Variants in SLC1A1 observed in about 807,000 individuals in gnomAD.
The protein encoded by SLC1A1 is excitatory amino acid transporter 3.
A neutral mutation model predicts 53.3 loss-of-function variants in SLC1A1; 43 were observed. The ratio of observed to expected loss-of-function variants is 0.81; its 90% CI spans 0.63 to 1.04. SLC1A1 has a LOEUF of 1.04. Ranked by LOEUF, SLC1A1 falls within the 50% of genes least tolerant of loss-of-function variation. The probability of loss-of-function intolerance (pLI) is 0.00; values close to 1 mark genes in which losing one functional copy is unlikely to be tolerated. For missense variants in SLC1A1, 748 were observed against 664.9 expected (o/e 1.12, Z -1.37); for synonymous variants, 307 against 243.2 (o/e 1.26, Z -2.44).
intron 1 of SLC1A1, among the ~76,000 whole-genome samples, chr9:4,501,447 A>G (rs1416445230): frequency 6.6e-6 from 1 of 151,654 alleles, no homozygotes; most frequent in East Asian, 1.9e-4. Context: ...CTATTTGGGT[A>G]TAACACTTCC....
chr9:4,554,943 C>T (rs1255917625), intron 2 of SLC1A1, among the ~76,000 whole-genome samples: 7 of 152,220 alleles, frequency 4.6e-5, no homozygotes, highest in Non-Finnish European at 8.8e-5. Flanking sequence ...ACTAAGAACA[C>T]ACTGTGTTCT....
chr9:4,583,390 C>G lies in SLC1A1; in HGVS notation c.1328+218C>G, dbSNP rs1036505321. On this transcript the variant is annotated intron_variant, in intron 11 of 11. Coordinates refer to ENST00000262352, the MANE Select transcript of SLC1A1 (RefSeq NM_004170.6). The surrounding 1 kb of genome is among the most constrained non-coding windows in gnomAD (Gnocchi z 4.6). ...TTAAAAAGCCGGTGAGCTCCATTAG[C>G]TCATTATACCTGGTAACACTCAAGC... Among the ~76,000 whole-genome samples the G allele has an allele frequency of 6.6e-6, 1 of 152,186 alleles. No individual in the cohort carries two copies. The highest frequency in any genetic ancestry group is 2.4e-5 in the African/African-American group (1 of 41,434).
At chr9:4,502,522 T>C (rs987887545) in intron 1 of SLC1A1, among the ~76,000 whole-genome samples, 2 of 151,370 alleles carry the variant, frequency 1.3e-5, no homozygotes, top group African/African-American at 4.9e-5. Flanking sequence ...TTATTGAGAA[T>C]TTACCACGAG....
intron 2 of SLC1A1, among the ~76,000 whole-genome samples, chr9:4,550,583 G>A (rs1354169626): frequency 6.6e-6 from 1 of 152,112 alleles, no homozygotes; most frequent in Non-Finnish European, 1.5e-5. Context: ...TCGCGATAGG[G>A]TCTTGATATA....
At chr9:4,492,458 GGT>G (rs1434801104) in intron 1 of SLC1A1, among the ~76,000 whole-genome samples, 1 of 149,940 alleles carries the variant, frequency 6.7e-6, no homozygotes, top group Non-Finnish European at 1.5e-5. Flanking sequence ...CTCCCGCCTG[GGT>G]GACAGAGCAA....
intron 1 of SLC1A1, among the ~76,000 whole-genome samples, chr9:4,500,107 A>G (rs1268908990): frequency 2.0e-5 from 3 of 152,140 alleles, no homozygotes; most frequent in African/African-American, 7.2e-5. Flanking sequence ...TCCGTGACAC[A>G]CTGGCCTGGT....
intron 1 of SLC1A1, among the ~76,000 whole-genome samples, chr9:4,534,157 G>A (rs201147532): frequency 7.9e-5 from 12 of 151,820 alleles, no homozygotes; most frequent in African/African-American, 2.7e-4. Context: ...GAACTAGAGA[G>A]GCAAGAGCAA....
At chr9:4,540,885 T>G (rs1156581154) in intron 1 of SLC1A1, among the ~76,000 whole-genome samples, 1 of 152,258 alleles carries the variant, frequency 6.6e-6, no homozygotes, top group African/African-American at 2.4e-5. Context: ...AAGGGACTTC[T>G]GAAGACAGCT....
chr9:4,497,197 T>C (rs980747628), intron 1 of SLC1A1, among the ~76,000 whole-genome samples: 14 of 152,158 alleles, frequency 9.2e-5, no homozygotes, highest in African/African-American at 3.4e-4. Flanking sequence ...GAGTGCTATA[T>C]AGGTATTAAA....
At chr9:4,574,927 A>C (rs1488118784) in intron 8 of SLC1A1, among the ~76,000 whole-genome samples, 3 of 152,206 alleles carry the variant, frequency 2.0e-5, no homozygotes, top group Non-Finnish European at 4.4e-5. Context: ...TGGTCCCTAC[A>C]GTGTGAGGCC....
chr9:4,511,566 T>TACACACACACACAC (rs113277990), intron 1 of SLC1A1, among the ~76,000 whole-genome samples: 2,335 of 146,288 alleles, frequency 0.016, 76 homozygotes, highest in African/African-American at 0.055. Flanking sequence ...TTAAGAATTC[T>TACACACACACACAC]ACACACACAC....
chr9:4,499,247 G>A (rs1820553228), intron 1 of SLC1A1, among the ~76,000 whole-genome samples: 3 of 151,800 alleles, frequency 2.0e-5, no homozygotes, highest in Non-Finnish European at 4.4e-5. Flanking sequence ...GTTTCACCAT[G>A]TTGGCCAGGC....
Position 4,583,876 on chromosome 9 carries a change from TCTCTCTCA to T in SLC1A1, c.1328+706_1328+713del, listed in dbSNP as rs930800083. ...ACTTCTCTCTCTCTCTCTCTCTCTC[TCTCTCTCA>T]CACACACACACACACACACACACAC... On this transcript the variant is annotated intron_variant, in intron 11 of 11. Transcript: ENST00000262352. This position sits in a 1 kb window ranked among gnomAD's most constrained non-coding sequence, Gnocchi z 4.6. Among the ~76,000 whole-genome samples the T allele has an allele frequency of 2.3e-4, 30 of 132,630 alleles. No homozygotes were observed. The highest frequency in any genetic ancestry group is 1.0e-3 in the South Asian group (4 of 3,910). 87.0% of individuals were successfully genotyped at this position (132,630 alleles called of 152,430 possible).
At chr9:4,562,682 C>T (rs953999371) in intron 3 of SLC1A1, among the ~76,000 whole-genome samples, 4 of 152,036 alleles carry the variant, frequency 2.6e-5, no homozygotes, top group South Asian at 2.1e-4. Flanking sequence ...GTTTTTTGTT[C>T]TTGCAATAGT....
At chr9:4,531,883 A>G (rs1370544246) in intron 1 of SLC1A1, among the ~76,000 whole-genome samples, 1 of 152,146 alleles carries the variant, frequency 6.6e-6, no homozygotes, top group Admixed American at 6.5e-5. Context: ...TCAGGAAGCA[A>G]CATCTGCTGT....
At chr9:4,496,823 G>T (rs915141960) in intron 1 of SLC1A1, among the ~76,000 whole-genome samples, 5 of 152,154 alleles carry the variant, frequency 3.3e-5, no homozygotes, top group African/African-American at 1.2e-4. Context: ...CATGAGGCCA[G>T]GAGTTCCAGG....
chr9:4,513,178 A>G (rs576638014), intron 1 of SLC1A1, among the ~76,000 whole-genome samples: 3 of 152,338 alleles, frequency 2.0e-5, no homozygotes, highest in South Asian at 4.1e-4. Context: ...CCAAAGCACA[A>G]TTCATAAAAG....
At position 4,530,106 on chromosome 9, in the gene SLC1A1, C is replaced by G. The variant is rs531077545; in HGVS notation, c.92-14461C>G. On this transcript the variant is annotated intron_variant, in intron 1 of 11. Coordinates refer to ENST00000262352, the MANE Select transcript of SLC1A1 (RefSeq NM_004170.6). ...TGACTTGATTACTTCCCTTATTTTT[C>G]TCTTATTTTTATTTGGGTTGATAGG... Among the ~76,000 whole-genome samples the G allele has an allele frequency of 1.3e-4, 20 of 152,122 alleles. 1 individual carries two copies. The East Asian group carries it at 3.9e-3, about 30-fold the overall frequency.
intron 2 of SLC1A1, among the ~76,000 whole-genome samples, chr9:4,557,169 G>C (rs1217279139): frequency 6.6e-6 from 1 of 152,180 alleles, no homozygotes; most frequent in Non-Finnish European, 1.5e-5. Flanking sequence ...CTGTCATGTG[G>C]AAAGCTTCAA....
Sources: allele counts gnomAD v4.1 joint callset (sites outside exome capture counted in the v4.1 genomes callset), GRCh38; gene constraint gnomAD v4.1.1; non-coding constraint Gnocchi (gnomAD v3.1); transcripts MANE v1.5; gene names NCBI Gene and HGNC (gene_info 2026-07-23, HGNC 2026-07-21).